TTC21B: variants seen among roughly 807,000 people sequenced by gnomAD.
TTC21B encodes the protein tetratricopeptide repeat domain 21B, also known as tetratricopeptide repeat protein 21B.
Under a neutral mutation model 175.1 loss-of-function variants are expected in TTC21B, and 127 were observed. That is an observed-to-expected ratio of 0.73 (90% CI 0.63 to 0.84). The LOEUF is 0.84. Ranked by LOEUF, TTC21B falls within the 40% of genes least tolerant of loss-of-function variation. The probability of loss-of-function intolerance (pLI) is 0.00; values close to 1 mark genes in which losing one functional copy is unlikely to be tolerated. For synonymous variants in TTC21B, 524 were observed against 524.5 expected (o/e 1.00, Z 0.01); for missense variants, 1,561 against 1,558.3 (o/e 1.00, Z -0.03).
chr2:165,904,206 G>C (rs371796887), intron 19 of TTC21B, among the ~76,000 whole-genome samples: 23,704 of 151,960 alleles, frequency 0.16, 2,159 homozygotes, highest in East Asian at 0.27. Flanking sequence ...TTTCCTTGTA[G>C]CTTCTGGTAA....
intron 10 of TTC21B, 144 bp from the exon 11 acceptor site, chr2:165,929,479 T>A (rs1262088522): frequency 1.1e-6 from 1 of 932,824 alleles, no homozygotes; most frequent in Non-Finnish European, 1.6e-6. Flanking sequence ...ACTTTTAGAA[T>A]CATTCAGAAG....
intron 27 of TTC21B, among the ~76,000 whole-genome samples, chr2:165,878,774 C>T (rs1005657603): frequency 2.0e-5 from 3 of 148,250 alleles, no homozygotes; most frequent in East Asian, 2.0e-4. Context: ...CTCCACCTCT[C>T]GGGTTCAAGC....
At chr2:165,906,238 T>C (rs1270271092) in intron 19 of TTC21B, among the ~76,000 whole-genome samples, 1 of 78,102 alleles carries the variant, frequency 1.3e-5, no homozygotes, top group Non-Finnish European at 2.4e-5. Context: ...TTACCTAACA[T>C]ACTATTTCAA....
At chr2:165,938,633 A>G (rs1232167018) in intron 6 of TTC21B, among the ~76,000 whole-genome samples, 1 of 152,188 alleles carries the variant, frequency 6.6e-6, no homozygotes, top group Non-Finnish European at 1.5e-5. Flanking sequence ...ATCATGGAAA[A>G]TGCTACAGGA....
intron 12 of TTC21B, among the ~76,000 whole-genome samples, chr2:165,923,876 T>C (rs1407901552): frequency 2.0e-5 from 3 of 151,400 alleles, no homozygotes; most frequent in Non-Finnish European, 2.9e-5. Context: ...TTCAGTCTCC[T>C]GAGTAACTGG....
rs1190876494 is a variant in TTC21B, at chr2:165,923,743, GTTTT to G, written c.1516+802_1516+805del. On this transcript the variant is annotated intron_variant, in intron 12 of 28. Transcript: ENST00000243344. ...AGGCATGAGCCACCACGCCCAGCTG[GTTTT>G]TTTTTTTTTTTTTTTTTAATGAGAC... 5.8e-3 allele frequency among the ~76,000 whole-genome samples: 619 copies of G among 107,302 alleles called. 24 individuals carry two copies. Among genetic ancestry groups the G allele is most frequent in the East Asian group, 0.055 (206 of 3,720 alleles). 70.4% of individuals were successfully genotyped at this position (107,302 alleles called of 152,430 possible). A position where few individuals can be genotyped will look rare whatever the true frequency, so the allele number is the denominator to read the frequency against.
intron 6 of TTC21B, among the ~76,000 whole-genome samples, chr2:165,936,615 T>C (rs1476843938): frequency 6.6e-6 from 1 of 151,868 alleles, no homozygotes; most frequent in African/African-American, 2.4e-5. Flanking sequence ...AATCAATCAA[T>C]TAAAAGATGG....
At chr2:165,943,072 C>A (rs1183169122) in intron 5 of TTC21B, 147 bp downstream of exon 5, 2 of 760,118 alleles carry the variant, frequency 2.6e-6, no homozygotes, top group Non-Finnish European at 2.2e-6. Flanking sequence ...CATTGTCCTA[C>A]ACAAATGCCA....
rs764997588 is a variant in TTC21B at position 165,949,636 on chromosome 2, G to T, written c.110C>A (p.Pro37Gln). ...SEGIKRYGSDPVFRFYHAYGT... is the reference protein window; with the variant it reads ...SEGIKRYGSDQVFRFYHAYGT... ...ATAGGCATGATAAAACCTGAAGACT[G>T]GATCACTTCCATACCTCTTAATTCC... Residue 37 changes from proline (P) to glutamine (Q), a missense_variant, in exon 2 of 29, where the codon CCA becomes CAA. Pro to Gln is a moderately conservative substitution (Grantham distance 76). Coordinates refer to ENST00000243344, the MANE Select transcript of TTC21B (RefSeq NM_024753.5). 4 of 1,613,408 alleles carry T rather than the reference G, an allele frequency of 2.5e-6. No homozygotes were observed. The highest frequency in any genetic ancestry group is 3.4e-6 in the Non-Finnish European group (4 of 1,179,840).
chr2:165,934,500 CAAAAAAA>C (rs369089707), intron 6 of TTC21B, among the ~76,000 whole-genome samples: 1 of 71,894 alleles, frequency 1.4e-5, no homozygotes, highest in East Asian at 5.0e-4. Flanking sequence ...GACTCTGTCT[CAAAAAAA>C]AAAAAAAAAA....
chr2:165,890,399 T>G, intron 24 of TTC21B, 80 bp downstream of exon 24: 1 of 1,351,696 alleles, frequency 7.4e-7, no homozygotes, highest in Non-Finnish European at 1.0e-6. Flanking sequence ...TATCCTAAAT[T>G]TAGTTCTTTT....
chr2:165,944,252 G>A (rs1216886059), intron 4 of TTC21B, among the ~76,000 whole-genome samples: 1 of 152,034 alleles, frequency 6.6e-6, no homozygotes, highest in Non-Finnish European at 1.5e-5. Flanking sequence ...TGTTCTGCCA[G>A]CACCAGAAAT....
chr2:165,940,599 T>C (rs1465243830), intron 6 of TTC21B, among the ~76,000 whole-genome samples: 1 of 152,188 alleles, frequency 6.6e-6, no homozygotes, highest in Non-Finnish European at 1.5e-5. Context: ...CCTTACCTTC[T>C]TTAGAAGATG....
rs763624685 is a variant in TTC21B at position 165,874,780 on chromosome 2, T to C, written c.3926A>G (p.Lys1309Arg). Residue 1309 changes from lysine (K) to arginine (R), a missense_variant, in exon 29 of 29, where the codon AAG becomes AGG. Transcript: ENST00000243344. ...YPKIRKDILD[K>R]ARASLRP The stretch of plus-strand genomic sequence containing the variant: ...TCAAGGTCTTAAAGACGCACGGGCC[T>C]TATCAAGTATATCCTTTCTGATTTT... 1 of 1,613,590 alleles carries C rather than the reference T, an allele frequency of 6.2e-7. No individual in the cohort carries two copies. Among genetic ancestry groups the C allele is most frequent in the Non-Finnish European group, 8.5e-7 (1 of 1,179,770 alleles).
chr2:165,898,930 A>G (rs1685461523), intron 21 of TTC21B, among the ~76,000 whole-genome samples, 163 bp from the exon 22 acceptor site: 1 of 152,240 alleles, frequency 6.6e-6, no homozygotes, highest in African/African-American at 2.4e-5. Flanking sequence ...CTTGTGCAGA[A>G]TAACTTGCAG....
At chr2:165,917,525 C>T (rs369560296) in intron 13 of TTC21B, 44 bp from the exon 14 acceptor site, 2 of 1,423,170 alleles carry the variant, frequency 1.4e-6, no homozygotes, top group Non-Finnish European at 2.0e-6. Context: ...CTTACAACAT[C>T]AACACATAAT....
At chr2:165,952,688 GA>G (rs1207374438) in intron 1 of TTC21B, among the ~76,000 whole-genome samples, 1 of 152,216 alleles carries the variant, frequency 6.6e-6, no homozygotes, top group African/African-American at 2.4e-5. Flanking sequence ...AGCTAGAACA[GA>G]GGATAATGTA....
At chr2:165,917,175 G>A in intron 14 of TTC21B, 82 bp downstream of exon 14, 1 of 1,337,830 alleles carries the variant, frequency 7.5e-7, no homozygotes. Flanking sequence ...CACCATGCCT[G>A]GGCAGCTTTT....
intron 5 of TTC21B, among the ~76,000 whole-genome samples, chr2:165,941,555 T>G (rs1330669675): frequency 6.6e-6 from 1 of 152,108 alleles, no homozygotes; most frequent in Admixed American, 6.5e-5. Context: ...TTTTAGAAAT[T>G]TTGCATCTTT....
Sources: allele counts gnomAD v4.1 joint callset (sites outside exome capture counted in the v4.1 genomes callset), GRCh38; gene constraint gnomAD v4.1.1; transcripts MANE v1.5; gene names NCBI Gene and HGNC (gene_info 2026-07-23, HGNC 2026-07-21).